The following MAML2 variants were observed in gnomAD, a reference collection of about 807,000 sequenced individuals.
MAML2 encodes the protein mastermind-like protein 2.
MAML2 carries 22 observed loss-of-function variants against 96.1 expected under a neutral mutation model. The ratio of observed to expected loss-of-function variants is 0.23; its 90% CI spans 0.16 to 0.33. The LOEUF (loss-of-function observed/expected upper bound fraction) is 0.33. Among genes scored for constraint, MAML2 ranks in the 10% least tolerant of loss-of-function variants. The pLI is 1.00. For missense variants in MAML2, 1,367 were observed against 1,392.4 expected, an observed-to-expected ratio of 0.98 and a Z score of 0.29; for synonymous variants, 561 against 521.3, an observed-to-expected ratio of 1.08 and a Z score of -1.04.
intron 1 of MAML2, among the ~76,000 whole-genome samples, chr11:96,141,552 G>T (rs79211907): frequency 1.3e-5 from 2 of 151,936 alleles, no homozygotes; most frequent in African/African-American, 2.4e-5. Context: ...AAAGAGTATC[G>T]CAAGAAAAAA....
chr11:96,214,510 T>G (rs1334845983), intron 1 of MAML2, among the ~76,000 whole-genome samples: 1 of 152,254 alleles, frequency 6.6e-6, no homozygotes, highest in Non-Finnish European at 1.5e-5. Flanking sequence ...CTCCTATTCC[T>G]TTGGTGATCA....
intron 2 of MAML2, among the ~76,000 whole-genome samples, chr11:96,060,823 T>C (rs992143838): frequency 2.6e-5 from 4 of 152,230 alleles, no homozygotes; most frequent in African/African-American, 4.8e-5. Flanking sequence ...CTAAGAGTTC[T>C]TCCTTTTAAT....
chr11:96,290,476 C>T (rs1405912849), intron 1 of MAML2, among the ~76,000 whole-genome samples: 1 of 152,174 alleles, frequency 6.6e-6, no homozygotes, highest in African/African-American at 2.4e-5. Context: ...GGTCAATTGA[C>T]AGGCTAGCCC....
At chr11:96,180,250 G>A (rs1285448627) in intron 1 of MAML2, among the ~76,000 whole-genome samples, 1 of 152,208 alleles carries the variant, frequency 6.6e-6, no homozygotes, top group Non-Finnish European at 1.5e-5. Flanking sequence ...TTCTGGCGAT[G>A]TGATTTTGAC....
At chr11:96,224,222 T>C (rs553632207) in intron 1 of MAML2, among the ~76,000 whole-genome samples, 87 of 152,278 alleles carry the variant, frequency 5.7e-4, no homozygotes, top group African/African-American at 2.0e-3. Flanking sequence ...AAATAAATAG[T>C]TATTAGTAGT....
intron 2 of MAML2, among the ~76,000 whole-genome samples, chr11:96,071,577 G>A (rs1859345175): frequency 6.6e-6 from 1 of 152,192 alleles, no homozygotes; most frequent in Admixed American, 6.5e-5. Context: ...AGGGTTAGGA[G>A]TAACTTTGAA....
At chr11:96,165,583 A>G (rs1861178051) in intron 1 of MAML2, among the ~76,000 whole-genome samples, 2 of 152,228 alleles carry the variant, frequency 1.3e-5, no homozygotes, top group Admixed American at 1.3e-4. Context: ...TATTTCACAT[A>G]CCATAAAAAT....
Position 96,092,355 on chromosome 11 carries a change from A to G in MAML2, c.1676T>C (p.Leu559Ser). The part of the protein sequence containing the change: ...MEPRQGNTKP[L>S]FHFNSDQANQ... Reference sequence around the variant, plus strand: ...CGCTTGATCTGAGTTAAAATGAAACAAAGGCTTGGTGTTGCCCTGACGGGG... The same window carrying G: ...CGCTTGATCTGAGTTAAAATGAAACGAAGGCTTGGTGTTGCCCTGACGGGG... The change falls in exon 2 of 5, where the codon TTG becomes TCG. Residue 559 changes from leucine (L) to serine (S), a missense_variant. Coordinates refer to ENST00000524717, the MANE Select transcript of MAML2 (RefSeq NM_032427.4). The surrounding 1 kb of genome is among the most constrained non-coding windows in gnomAD (Gnocchi z 4.1). 1 of 1,613,104 alleles carries G rather than the reference A, an allele frequency of 6.2e-7. No individual in the cohort carries two copies. Among genetic ancestry groups the G allele is most frequent in the Non-Finnish European group, 8.5e-7 (1 of 1,179,576 alleles).
intron 1 of MAML2, among the ~76,000 whole-genome samples, chr11:96,155,550 A>ATATATATG (rs1860999536): frequency 1.6e-5 from 2 of 128,322 alleles, no homozygotes; most frequent in African/African-American, 3.0e-5. Context: ...ATATATATAT[A>ATATATATG]TGAGGAAAGT....
intron 2 of MAML2, among the ~76,000 whole-genome samples, chr11:96,060,622 A>G (rs1171286706): frequency 6.6e-6 from 1 of 152,242 alleles, no homozygotes; most frequent in Non-Finnish European, 1.5e-5. Context: ...TGAAAATTGC[A>G]CGGTAGCACA....
chr11:96,237,041 G>T (rs548384882), intron 1 of MAML2, among the ~76,000 whole-genome samples: 3 of 152,140 alleles, frequency 2.0e-5, no homozygotes, highest in Middle Eastern at 6.8e-3. Flanking sequence ...CCAAGCATGA[G>T]CCAAAATGGA....
chr11:96,047,598 G>GA (rs920139728), intron 2 of MAML2, among the ~76,000 whole-genome samples: 2 of 151,718 alleles, frequency 1.3e-5, no homozygotes, highest in African/African-American at 2.4e-5. Flanking sequence ...TCAAGTATTA[G>GA]AAAAAAAATG....
chr11:96,264,229 T>C (rs903674922), intron 1 of MAML2, among the ~76,000 whole-genome samples: 1 of 152,170 alleles, frequency 6.6e-6, no homozygotes, highest in African/African-American at 2.4e-5. Flanking sequence ...CAAACTAAGA[T>C]GTCAGCTGCT....
chr11:96,129,699 G>A (rs1395574093), intron 1 of MAML2, among the ~76,000 whole-genome samples: 1 of 152,102 alleles, frequency 6.6e-6, no homozygotes, highest in Non-Finnish European at 1.5e-5. Flanking sequence ...TTATGCTGAG[G>A]TTCAGCTTCT....
intron 1 of MAML2, among the ~76,000 whole-genome samples, chr11:96,228,534 G>T (rs1267398936): frequency 6.6e-6 from 1 of 152,134 alleles, no homozygotes; most frequent in South Asian, 2.1e-4. Flanking sequence ...CTAATGGAGT[G>T]CCTGGCTAAA....
At chr11:96,124,772 A>G (rs759732201) in intron 1 of MAML2, among the ~76,000 whole-genome samples, 4 of 152,088 alleles carry the variant, frequency 2.6e-5, no homozygotes, top group Admixed American at 6.6e-5. Flanking sequence ...GAGAGGAGGG[A>G]AGAAGGACCA....
At chr11:96,134,402 T>C (rs1428426193) in intron 1 of MAML2, among the ~76,000 whole-genome samples, 1 of 152,212 alleles carries the variant, frequency 6.6e-6, no homozygotes, top group Non-Finnish European at 1.5e-5. Context: ...TTTTAATGAA[T>C]TAAGGCAAGA....
intron 1 of MAML2, among the ~76,000 whole-genome samples, chr11:96,283,404 G>A (rs1314155528): frequency 1.3e-5 from 2 of 152,054 alleles, no homozygotes; most frequent in Non-Finnish European, 2.9e-5. Flanking sequence ...ACTTGACATG[G>A]GAAATAGAAG....
chr11:95,989,503 G>A (rs1323046981), intron 3 of MAML2, among the ~76,000 whole-genome samples: 1 of 152,202 alleles, frequency 6.6e-6, no homozygotes, highest in African/African-American at 2.4e-5. Flanking sequence ...AACAAGAGCT[G>A]AAAATCAACC....
Sources: allele counts gnomAD v4.1 joint callset (sites outside exome capture counted in the v4.1 genomes callset), GRCh38; gene constraint gnomAD v4.1.1; non-coding constraint Gnocchi (gnomAD v3.1); transcripts MANE v1.5; gene names NCBI Gene and HGNC (gene_info 2026-07-23, HGNC 2026-07-21).